Variants in SLC25A16 observed in about 807,000 individuals in gnomAD.
The protein encoded by SLC25A16 is mitochondrial coenzyme A transporter SLC25A16.
SLC25A16 carries 39 observed loss-of-function variants against 41.5 expected under a neutral mutation model. The observed-to-expected ratio is 0.94, with a 90% CI of 0.73 to 1.23. SLC25A16 has a LOEUF of 1.23. Ranked by LOEUF, SLC25A16 falls within the 50% of genes most tolerant of loss-of-function variation. The probability of loss-of-function intolerance (pLI) is 0.00; values close to 1 mark genes in which losing one functional copy is unlikely to be tolerated. For missense variants in SLC25A16, 421 were observed against 426.9 expected, an observed-to-expected ratio of 0.99 and a Z score of 0.12; for synonymous variants, 146 against 147.8, an observed-to-expected ratio of 0.99 and a Z score of 0.09.
At chr10:68,501,255 A>T (rs114425759) in intron 4 of SLC25A16, among the ~76,000 whole-genome samples, 1 of 152,110 alleles carries the variant, frequency 6.6e-6, no homozygotes, top group Non-Finnish European at 1.5e-5. Context: ...CATCTCAAAA[A>T]AAAAAAGTGA....
intron 4 of SLC25A16, among the ~76,000 whole-genome samples, chr10:68,494,878 T>TAA (rs548778691): frequency 1.1e-4 from 13 of 119,590 alleles, no homozygotes; most frequent in Middle Eastern, 4.4e-3. Flanking sequence ...AAACTGCATC[T>TAA]AAAAAAAAAA....
At chr10:68,511,515 G>A (rs2053062941) in intron 2 of SLC25A16, among the ~76,000 whole-genome samples, 1 of 152,150 alleles carries the variant, frequency 6.6e-6, no homozygotes, top group Non-Finnish European at 1.5e-5. Flanking sequence ...GCACACATCA[G>A]CACGGGGAGG....
Position 68,481,953 on chromosome 10 carries a change from C to G in SLC25A16, c.*1479G>C, listed in dbSNP as rs1296381254. 6.6e-6 allele frequency: 1 copy of G among 152,198 alleles called. No individual in the cohort carries two copies. Among genetic ancestry groups the G allele is most frequent in the Non-Finnish European group, 1.5e-5 (1 of 68,102 alleles). The allele number at this position is 152,198 out of a possible 1,614,324, so 9.4% of individuals were successfully genotyped here. Reference sequence around the variant, plus strand: ...AAAGGGCCGGGCGCCGTGGCTCACGCCAGTAATCTCAGCACTTTGGGAGAC... The same window carrying G: ...AAAGGGCCGGGCGCCGTGGCTCACGGCAGTAATCTCAGCACTTTGGGAGAC... On this transcript the variant is annotated 3_prime_UTR_variant, in exon 9 of 9. Transcript: ENST00000609923.
At chr10:68,527,128 A>C in intron 1 of SLC25A16, 118 bp downstream of exon 1, 1 of 1,089,250 alleles carries the variant, frequency 9.2e-7, no homozygotes, top group Non-Finnish European at 1.3e-6. Context: ...CAGACATCTA[A>C]CAGAACATTG....
Position 68,479,462 on chromosome 10 carries a change from G to T in SLC25A16, c.*3970C>A, listed in dbSNP as rs536858608. ...AAGTCCTCCATAATGCTGACACAAGGTCTGGCACACAATTGGTGCTGAATA... is the reference window on the plus strand; with the variant it reads ...AAGTCCTCCATAATGCTGACACAAGTTCTGGCACACAATTGGTGCTGAATA... On this transcript the variant is annotated 3_prime_UTR_variant, in exon 9 of 9. Transcript: ENST00000609923. The T allele has an allele frequency of 3.9e-5, 6 of 152,322 alleles. No homozygotes were observed. In the South Asian group the frequency reaches 1.0e-3, roughly 26 times the overall value. 9.4% of individuals were successfully genotyped at this position (152,322 alleles called of 1,614,324 possible).
At chr10:68,516,699 C>G in intron 2 of SLC25A16, 52 bp downstream of exon 2, 1 of 1,298,362 alleles carries the variant, frequency 7.7e-7, no homozygotes, top group Non-Finnish European at 1.1e-6. Flanking sequence ...CTTTTTTGCC[C>G]ACTTTCCACA....
intron 2 of SLC25A16, among the ~76,000 whole-genome samples, chr10:68,516,342 G>C (rs1447699753): frequency 6.6e-6 from 1 of 152,094 alleles, no homozygotes; most frequent in African/African-American, 2.4e-5. Flanking sequence ...TTTTAAAAGA[G>C]GCAAAGGCAG....
In SLC25A16 at chr10:68,527,311, G is replaced by A. The variant is rs373865585; in HGVS notation, c.65C>T (p.Ala22Val). ...AADPPPAMPQ[A>V]AGAGGPTTRR... is the part of the protein sequence containing the mutation. ...GGTTGTGGGCCCTCCGGCCCCTGCC[G>A]CCTGCGGCATTGCGGGAGGGGGATC... The change falls in exon 1 of 9, where the codon GCG (alanine) becomes GTG (valine). Residue 22 changes from alanine (A) to valine (V), a missense_variant. Physicochemically the swap from Ala to Val is moderately conservative, Grantham distance 64 (BLOSUM62 0). Coordinates refer to ENST00000609923, the MANE Select transcript of SLC25A16 (RefSeq NM_152707.4). The A allele has an allele frequency of 2.6e-6, 4 of 1,543,426 alleles. No individual in the cohort carries two copies. In the Admixed American group the frequency reaches 6.0e-5, roughly 23 times the overall value.
intron 4 of SLC25A16, among the ~76,000 whole-genome samples, chr10:68,496,080 C>T (rs1178182139): frequency 6.6e-6 from 1 of 151,976 alleles, no homozygotes; most frequent in Admixed American, 6.6e-5. Flanking sequence ...ACTTTGTTAC[C>T]CTTTCCTTTG....
At position 68,499,659 on chromosome 10, in the gene SLC25A16, A is replaced by G. The variant is rs1232965759; in HGVS notation, c.421+3973T>C. ...TCCAAAGAGCTGAGACAGAAATACA[A>G]TGTGTGATCCATGCCCATCCGAAAG... On this transcript the variant is annotated intron_variant, in intron 4 of 8. Coordinates refer to ENST00000609923, the MANE Select transcript of SLC25A16 (RefSeq NM_152707.4). 4 of 361,262 alleles carry G rather than the reference A, an allele frequency of 1.1e-5. No homozygotes were observed. In the East Asian group the frequency reaches 2.0e-4, roughly 18 times the overall value. 22.4% of individuals were successfully genotyped at this position (361,262 alleles called of 1,614,324 possible).
chr10:68,521,970 G>A (rs1222190484), intron 1 of SLC25A16, among the ~76,000 whole-genome samples: 1 of 151,908 alleles, frequency 6.6e-6, no homozygotes, highest in Non-Finnish European at 1.5e-5. Context: ...AGACCAGTCT[G>A]GCCAACATAG....
intron 2 of SLC25A16, among the ~76,000 whole-genome samples, chr10:68,514,473 G>A (rs1043669841): frequency 1.3e-5 from 2 of 152,116 alleles, no homozygotes; most frequent in Admixed American, 1.3e-4. Flanking sequence ...TCCAGCCTGG[G>A]CAACACAGTG....
At chr10:68,523,050 CAT>C (rs954894305) in intron 1 of SLC25A16, among the ~76,000 whole-genome samples, 2 of 152,146 alleles carry the variant, frequency 1.3e-5, no homozygotes, top group African/African-American at 4.8e-5. Flanking sequence ...CATTACACAA[CAT>C]GTTTGTCAAA....
intron 1 of SLC25A16, among the ~76,000 whole-genome samples, chr10:68,520,926 G>T (rs1320471011): frequency 6.6e-6 from 1 of 151,508 alleles, no homozygotes; most frequent in Non-Finnish European, 1.5e-5. Context: ...GCAAGGTCAG[G>T]AGATCGAGAC....
chr10:68,506,737 T>G lies in SLC25A16; in HGVS notation c.224-19A>C. ...AATACTCCTATTTTTAGAGGAAAAA[T>G]GCTGTTAAAACAGAGAAAATTATCT... On this transcript the variant is annotated intron_variant, in intron 2 of 8. Coordinates refer to ENST00000609923, the MANE Select transcript of SLC25A16 (RefSeq NM_152707.4). 6.5e-7 allele frequency: 1 copy of G among 1,531,420 alleles called. No homozygotes were observed. Among genetic ancestry groups the G allele is most frequent in the South Asian group, 1.2e-5 (1 of 81,076 alleles). 94.9% of individuals were successfully genotyped at this position (1,531,420 alleles called of 1,614,324 possible).
At chr10:68,487,975 C>A (rs1327258288) in intron 7 of SLC25A16, among the ~76,000 whole-genome samples, 1 of 152,028 alleles carries the variant, frequency 6.6e-6, no homozygotes. Context: ...GCCTCAACCT[C>A]CCGAGTAGCT....
chr10:68,518,791 AAAT>A (rs200750475), intron 1 of SLC25A16, among the ~76,000 whole-genome samples: 3,570 of 140,144 alleles, frequency 0.025, 148 homozygotes, highest in African/African-American at 0.093. Context: ...CAAATAAAAT[AAAT>A]AAATAAATAA....
chr10:68,498,040 C>A (rs191451794), intron 4 of SLC25A16, among the ~76,000 whole-genome samples: 2 of 152,196 alleles, frequency 1.3e-5, no homozygotes, highest in East Asian at 3.9e-4. Flanking sequence ...GCCTTTTGTG[C>A]AGGATTCTCA....
At chr10:68,501,779 G>T (rs931552910) in intron 4 of SLC25A16, among the ~76,000 whole-genome samples, 1 of 152,030 alleles carries the variant, frequency 6.6e-6, no homozygotes, top group Admixed American at 6.6e-5. Flanking sequence ...TGGCAAAAAA[G>T]TTACGTGAGC....
Sources: allele counts gnomAD v4.1 joint callset (sites outside exome capture counted in the v4.1 genomes callset), GRCh38; gene constraint gnomAD v4.1.1; transcripts MANE v1.5; gene names NCBI Gene and HGNC (gene_info 2026-07-23, HGNC 2026-07-21).